SYT1: variants seen among roughly 807,000 people sequenced by gnomAD.
SYT1 encodes the protein synaptotagmin 1.
Under a neutral mutation model 44.8 loss-of-function variants are expected in SYT1, and 8 were observed. The observed-to-expected ratio is 0.18, with a 90% CI of 0.10 to 0.32. The LOEUF (loss-of-function observed/expected upper bound fraction) is 0.32, where lower values mean the gene tolerates loss of function less well. Ranked by LOEUF, SYT1 falls within the 10% of genes least tolerant of loss-of-function variation. The pLI is 1.00. For missense variants in SYT1, 286 were observed against 509.3 expected, an observed-to-expected ratio of 0.56 and a Z score of 4.22; for synonymous variants, 154 against 188.8, an observed-to-expected ratio of 0.82 and a Z score of 1.51.
At chr12:79,426,401 A>G (rs1291188750) in intron 9 of SYT1, among the ~76,000 whole-genome samples, 3 of 147,312 alleles carry the variant, frequency 2.0e-5, no homozygotes, top group African/African-American at 7.7e-5. Context: ...TTATTCAAGG[A>G]AAAAAAAAAC....
In SYT1 at chr12:79,179,480, G is replaced by T. The variant is rs1056741167; in HGVS notation, c.-17-38023G>T. On this transcript the variant is annotated intron_variant, in intron 3 of 10. Transcript: ENST00000261205. ...TAATCTATATAGATATAGATATAGAGATATAGATATATCTATATAGATATA... is the reference window on the plus strand; with the variant it reads ...TAATCTATATAGATATAGATATAGATATATAGATATATCTATATAGATATA... Among the ~76,000 whole-genome samples the T allele has an allele frequency of 7.0e-3, 556 of 79,948 alleles. 6 individuals carry two copies. Among genetic ancestry groups the T allele is most frequent in the South Asian group, 0.02 (55 of 2,728 alleles). The allele number at this position is 79,948 out of a possible 152,430, so 52.4% of individuals were successfully genotyped here. A position where few individuals can be genotyped will look rare whatever the true frequency, so the allele number is the denominator to read the frequency against.
intron 9 of SYT1, among the ~76,000 whole-genome samples, chr12:79,424,690 T>C (rs910113277): frequency 1.3e-5 from 2 of 152,186 alleles, no homozygotes; most frequent in African/African-American, 4.8e-5. Flanking sequence ...TGGCCATTAA[T>C]AGTTCCTAAA....
chr12:78,989,654 T>A (rs936424984), intron 2 of SYT1, among the ~76,000 whole-genome samples: 4 of 152,114 alleles, frequency 2.6e-5, no homozygotes, highest in African/African-American at 9.7e-5. Context: ...ACCAATGGAT[T>A]TCCCTAATGT....
rs182374495 is a variant in SYT1 at position 79,340,262 on chromosome 12, G to A, written c.811-13240G>A. Among the ~76,000 whole-genome samples the A allele has an allele frequency of 5.9e-5, 9 of 152,308 alleles. No homozygotes were observed. The East Asian group carries it at 1.7e-3, about 29-fold the overall frequency. ...CTGAATCTATAAATTACCTTGGGCA[G>A]TATGGCCATTTTCATGATATTCATT... On this transcript the variant is annotated intron_variant, in intron 8 of 10. Coordinates refer to ENST00000261205, the MANE Select transcript of SYT1 (RefSeq NM_005639.3).
At chr12:78,943,392 C>T (rs1472660843) in intron 1 of SYT1, among the ~76,000 whole-genome samples, 1 of 152,112 alleles carries the variant, frequency 6.6e-6, no homozygotes, top group Non-Finnish European at 1.5e-5. Flanking sequence ...GGAGCAGGCA[C>T]CTCACATGGT....
rs148158683 is a variant in SYT1, at chr12:79,121,153, C to T, written c.-18+73791C>T. Among the ~76,000 whole-genome samples, 889 of 151,928 alleles carry T rather than the reference C, an allele frequency of 5.9e-3. 3 individuals carry two copies. Among genetic ancestry groups the T allele is most frequent in the Admixed American group, 0.01 (156 of 15,246 alleles). On this transcript the variant is annotated intron_variant, in intron 3 of 10. Coordinates refer to ENST00000261205, the MANE Select transcript of SYT1 (RefSeq NM_005639.3). ...CCTTCAGATTACTCCTAACCCCTGC[C>T]TTCTGTCTTCCTTCTCCTCTGGCAA...
Position 79,179,252 on chromosome 12 carries a change from A to T in SYT1, c.-17-38251A>T, listed in dbSNP as rs1327243406. Among the ~76,000 whole-genome samples the T allele has an allele frequency of 6.5e-4, 69 of 106,264 alleles. 10 individuals carry two copies. Among genetic ancestry groups the T allele is most frequent in the African/African-American group, 1.4e-3 (39 of 28,074 alleles). The allele number at this position is 106,264 out of a possible 152,430, so 69.7% of individuals were successfully genotyped here. On this transcript the variant is annotated intron_variant, in intron 3 of 10. Transcript: ENST00000261205. ...TAGATATAGATATATAGATATAGAT[A>T]TAGATATAGATATATAGATATAGAT...
chr12:78,986,774 C>G (rs1869669606), intron 2 of SYT1, among the ~76,000 whole-genome samples: 1 of 151,932 alleles, frequency 6.6e-6, no homozygotes, highest in South Asian at 2.1e-4. Flanking sequence ...GTATGTCTCT[C>G]TATAATAGAA....
intron 3 of SYT1, among the ~76,000 whole-genome samples, chr12:79,215,918 C>CTTTTTTTTTTTTTTTTTTTTTTTTTTTTT: frequency 1.3e-5 from 1 of 76,726 alleles, no homozygotes; most frequent in Non-Finnish European, 2.3e-5. Flanking sequence ...GCATTTCTTT[C>CTTTTTTTTTTTTTTTTTTTTTTTTTTTTT]TTTTTTTTTT....
intron 9 of SYT1, among the ~76,000 whole-genome samples, chr12:79,432,366 C>T (rs1869845208): frequency 6.6e-6 from 1 of 151,994 alleles, no homozygotes; most frequent in Admixed American, 6.6e-5. Flanking sequence ...TCCCCCTGCC[C>T]CCCAACCCCA....
intron 3 of SYT1, among the ~76,000 whole-genome samples, chr12:79,179,203 G>GAT (rs1208626384): frequency 1.0e-4 from 2 of 20,038 alleles, no homozygotes; most frequent in East Asian, 8.9e-4. Context: ...TAGATATATA[G>GAT]ATATAGATAT....
intron 9 of SYT1, among the ~76,000 whole-genome samples, chr12:79,359,262 A>T (rs1478771031): frequency 6.6e-6 from 1 of 152,186 alleles, no homozygotes; most frequent in Non-Finnish European, 1.5e-5. Context: ...AATCACATGT[A>T]GCTATTCCAG....
chr12:79,110,490 C>T (rs10506810), intron 3 of SYT1, among the ~76,000 whole-genome samples: 22,762 of 151,840 alleles, frequency 0.15, 1,810 homozygotes, highest in South Asian at 0.19. Flanking sequence ...AAGAAACACA[C>T]GAAAATCTAG....
chr12:79,240,701 C>T (rs1313470473), intron 4 of SYT1, among the ~76,000 whole-genome samples: 1 of 152,062 alleles, frequency 6.6e-6, no homozygotes, highest in East Asian at 1.9e-4. Context: ...AGTTTCTGTG[C>T]TTAATTTGAT....
intron 3 of SYT1, among the ~76,000 whole-genome samples, chr12:79,122,909 C>A (rs979229288): frequency 1.3e-5 from 2 of 152,096 alleles, no homozygotes; most frequent in Non-Finnish European, 2.9e-5. Flanking sequence ...ATGACACCTT[C>A]TAAGTAAAGT....
chr12:79,406,564 G>A (rs17005561), intron 9 of SYT1, among the ~76,000 whole-genome samples: 20,743 of 152,034 alleles, frequency 0.14, 1,854 homozygotes, highest in Middle Eastern at 0.34. Flanking sequence ...GTCCACATTA[G>A]TCAGTGATAG....
At chr12:79,422,864 T>G (rs1473084248) in intron 9 of SYT1, among the ~76,000 whole-genome samples, 1 of 152,130 alleles carries the variant, frequency 6.6e-6, no homozygotes, top group African/African-American at 2.4e-5. Context: ...AAGTAAGCTG[T>G]GTGAACAAAT....
chr12:79,004,427 T>C (rs951210082), intron 2 of SYT1, among the ~76,000 whole-genome samples: 1 of 151,992 alleles, frequency 6.6e-6, no homozygotes, highest in Non-Finnish European at 1.5e-5. Flanking sequence ...AATTTTGCCA[T>C]TTTTATTATA....
chr12:79,277,333 T>C (rs894851709), intron 4 of SYT1, among the ~76,000 whole-genome samples: 1 of 152,154 alleles, frequency 6.6e-6, no homozygotes, highest in Non-Finnish European at 1.5e-5. Flanking sequence ...AGCAGAAACC[T>C]TCTAAACCAG....
Sources: allele counts gnomAD v4.1 joint callset (sites outside exome capture counted in the v4.1 genomes callset), GRCh38; gene constraint gnomAD v4.1.1; transcripts MANE v1.5; gene names NCBI Gene and HGNC (gene_info 2026-07-23, HGNC 2026-07-21).